Variants in FBXL22 observed in about 807,000 individuals in gnomAD.
The protein encoded by FBXL22 is F-box and leucine rich repeat protein 22.
FBXL22 carries 13 observed loss-of-function variants against 11.7 expected under a neutral mutation model. The observed-to-expected ratio is 1.11, with a 90% CI of 0.73 to 1.77. The LOEUF is 1.77. Ranked by LOEUF, FBXL22 falls within the 40% of genes most tolerant of loss-of-function variation. The pLI is 0.00. For synonymous variants in FBXL22, 160 were observed against 144.1 expected (o/e 1.11, Z -0.79); for missense variants, 406 against 320.4 (o/e 1.27, Z -2.04).
chr15:63,604,476 T>G (rs532471166), downstream of FBXL22, among the ~76,000 whole-genome samples: 1 of 152,118 alleles, frequency 6.6e-6, no homozygotes, highest in Admixed American at 6.5e-5. Flanking sequence ...GGGACCCAAA[T>G]TGGCCCCCAC....
Position 63,601,241 on chromosome 15 carries a change from A to G in FBXL22, c.*202A>G. On this transcript the variant is annotated 3_prime_UTR_variant, in exon 2 of 2. Transcript: ENST00000638704. ...AAGATTAAATGGATATTTGGAAAAC[A>G]CTCGGCTGGTTCTCACTCAACACCA... The G allele has an allele frequency of 6.6e-7, 1 of 1,508,134 alleles. No homozygotes were observed. Among genetic ancestry groups the G allele is most frequent in the Non-Finnish European group, 8.8e-7 (1 of 1,137,204 alleles). 93.4% of individuals were successfully genotyped at this position (1,508,134 alleles called of 1,614,324 possible).
chr15:63,598,972 C>T (rs1340282840), intron 1 of FBXL22, among the ~76,000 whole-genome samples: 5 of 152,202 alleles, frequency 3.3e-5, no homozygotes, highest in Non-Finnish European at 7.3e-5. Flanking sequence ...GTGGACCTCC[C>T]AGGCCACTGT....
chr15:63,603,910 G>A (rs2067400567), downstream of FBXL22, among the ~76,000 whole-genome samples: 1 of 152,152 alleles, frequency 6.6e-6, no homozygotes, highest in Admixed American at 6.5e-5. Flanking sequence ...AGGCGTTGTT[G>A]GGAACGAATT....
At chr15:63,601,558 G>C (rs917268370), downstream of FBXL22, 2 of 1,561,582 alleles carry the variant, frequency 1.3e-6, no homozygotes, top group Admixed American at 3.8e-5. Flanking sequence ...GGTGATCTCG[G>C]TGAAGCAGGA....
At chr15:63,605,079 A>C (rs1051334895), downstream of FBXL22, among the ~76,000 whole-genome samples, 1 of 152,146 alleles carries the variant, frequency 6.6e-6, no homozygotes, top group Non-Finnish European at 1.5e-5. Flanking sequence ...AAAAAGTAAA[A>C]AACAAAAGAA....
chr15:63,599,326 A>T, intron 1 of FBXL22: 1 of 1,454,992 alleles, frequency 6.9e-7, no homozygotes, highest in Non-Finnish European at 9.0e-7. Flanking sequence ...TATTCCAAAG[A>T]TTCTTAGAAG....
rs745308830 is a variant in FBXL22 at position 63,597,559 on chromosome 15, C to A, written c.167C>A (p.Ser56Tyr). 7 of 1,614,050 alleles carry A rather than the reference C, an allele frequency of 4.3e-6. No homozygotes were observed. The highest frequency in any genetic ancestry group is 5.9e-6 in the Non-Finnish European group (7 of 1,180,048). Residue 56 changes from serine (S) to tyrosine (Y), a missense_variant, in exon 1 of 2, where the codon TCC becomes TAC. By Grantham distance (144) the Ser-to-Tyr change is moderately radical (BLOSUM62 -2). Transcript: ENST00000638704. The surrounding 1 kb of genome is among the most constrained non-coding windows in gnomAD (Gnocchi z 4.3). The stretch of plus-strand genomic sequence containing the variant: ...CTCTGGTCCCTGCTGCACTTCCGTT[C>A]CCTCACTGAACTCCAGAAGGACAAC... ...PALWSLLHFR[S>Y]LTELQKDNFL...
At chr15:63,599,729 A>T (rs2067334237) in intron 1 of FBXL22, 4 of 987,104 alleles carry the variant, frequency 4.1e-6, no homozygotes, top group Non-Finnish European at 4.8e-6. Context: ...ACGCTTCCCC[A>T]GCCCAGACTC....
rs1015097984 is a variant in FBXL22 at position 63,600,758 on chromosome 15, G to T, written c.415G>T (p.Ala139Ser). Residue 139 changes from alanine (A) to serine (S), a missense_variant, in exon 2 of 2, where the codon GCG becomes TCG. By Grantham distance (99) the Ala-to-Ser change is moderately conservative. Coordinates refer to ENST00000638704, the MANE Select transcript of FBXL22 (RefSeq NM_001367807.1). ...GCGHVTDDCL[A>S]RLLRCCPRLR... Reference sequence around the variant, plus strand: ...CGGCCACGTTACCGACGACTGCCTGGCGCGCCTGCTGCGCTGCTGCCCACG... The same window carrying T: ...CGGCCACGTTACCGACGACTGCCTGTCGCGCCTGCTGCGCTGCTGCCCACG... 1.1e-5 allele frequency: 14 copies of T among 1,231,336 alleles called. No individual in the cohort carries two copies. The African/African-American group carries it at 2.2e-4, about 19-fold the overall frequency. 76.3% of individuals were successfully genotyped at this position (1,231,336 alleles called of 1,614,324 possible).
downstream of FBXL22, among the ~76,000 whole-genome samples, chr15:63,603,386 T>C (rs979600643): frequency 1.3e-5 from 2 of 152,204 alleles, no homozygotes; most frequent in African/African-American, 4.8e-5. Context: ...TCTGGCTACT[T>C]CCCCCTTTAC....
chr15:63,603,792 C>A (rs1045430511), downstream of FBXL22, among the ~76,000 whole-genome samples: 1 of 152,202 alleles, frequency 6.6e-6, no homozygotes, highest in Non-Finnish European at 1.5e-5. Flanking sequence ...CCAGCTCTGT[C>A]ACACCACCAG....
At chr15:63,601,460 G>C, downstream of FBXL22, 1 of 1,574,294 alleles carries the variant, frequency 6.4e-7, no homozygotes, top group Non-Finnish European at 8.6e-7. Context: ...GCGCGCAGGG[G>C]TCTGGGGAGC....
chr15:63,608,279 T>C, the FBXL22 span, among the ~76,000 whole-genome samples: 1 of 152,022 alleles, frequency 6.6e-6, no homozygotes, highest in Non-Finnish European at 1.5e-5. Flanking sequence ...TCTGGTAGAG[T>C]CGCCCTCCAC....
At chr15:63,601,416 C>T, downstream of FBXL22, 1 of 1,591,950 alleles carries the variant, frequency 6.3e-7, no homozygotes, top group Non-Finnish European at 8.6e-7. Flanking sequence ...AGTTCGCCGA[C>T]TTGCGCTCGG....
chr15:63,600,667 G>T (rs2067352533), intron 1 of FBXL22, 30 bp from the exon 2 acceptor site: 1 of 1,231,190 alleles, frequency 8.1e-7, no homozygotes, highest in African/African-American at 1.6e-5. Flanking sequence ...ACAAGCCAGT[G>T]AGCCCCGGGT....
intron 1 of FBXL22, among the ~76,000 whole-genome samples, chr15:63,598,163 G>A (rs955243563): frequency 8.5e-5 from 13 of 152,138 alleles, no homozygotes; most frequent in African/African-American, 3.1e-4. Flanking sequence ...AAGAGAGGGT[G>A]GGGAGCCAGA....
At position 63,597,404 on chromosome 15, in the gene FBXL22, G is replaced by GCTCA. The variant is rs778108441; in HGVS notation, c.14_17dup (p.Met7HisfsTer39). ...GCAGCTGCACTCACATGTGGCCACT[G>GCTCA]CTCACCATGCACATAACCCAGCTCA... On this transcript the variant is annotated frameshift_variant, in exon 1 of 2. Coordinates refer to ENST00000638704, the MANE Select transcript of FBXL22 (RefSeq NM_001367807.1). LOFTEE classifies it high-confidence loss of function. This position sits in a 1 kb window ranked among gnomAD's most constrained non-coding sequence, Gnocchi z 4.3. 1.2e-6 allele frequency: 2 copies of GCTCA among 1,608,846 alleles called. No individual in the cohort carries two copies. The highest frequency in any genetic ancestry group is 3.3e-5 in the Admixed American group (2 of 59,978).
rs1342023031 is a variant in FBXL22 at position 63,599,278 on chromosome 15, G to C, written c.354-1419G>C. 2.0e-6 allele frequency: 3 copies of C among 1,508,482 alleles called. No individual in the cohort carries two copies. The African/African-American group carries it at 4.2e-5, about 21-fold the overall frequency. 93.4% of individuals were successfully genotyped at this position (1,508,482 alleles called of 1,614,324 possible). A position where few individuals can be genotyped will look rare whatever the true frequency, so the allele number is the denominator to read the frequency against. On this transcript the variant is annotated intron_variant, in intron 1 of 1. Coordinates refer to ENST00000638704, the MANE Select transcript of FBXL22 (RefSeq NM_001367807.1). Reference sequence around the variant, plus strand: ...GAATGGCTGAGGATGGCTGGGCAGGGGGACAGTCCGCTCTTTGTTTTTTCC... The same window carrying C: ...GAATGGCTGAGGATGGCTGGGCAGGCGGACAGTCCGCTCTTTGTTTTTTCC...
At chr15:63,600,271 G>A in intron 1 of FBXL22, 1 of 997,536 alleles carries the variant, frequency 1.0e-6, no homozygotes, top group Non-Finnish European at 1.2e-6. Flanking sequence ...CGTCCCGCCG[G>A]GACATTCAGG....
Sources: gnomAD v4.1 joint callset for allele counts (sites outside exome capture counted in the v4.1 genomes callset) on GRCh38, gnomAD v4.1.1 for gene constraint, Gnocchi (gnomAD v3.1) non-coding constraint, MANE v1.5 for transcripts, NCBI Gene and HGNC (gene_info 2026-07-23, HGNC 2026-07-21) for gene names.